PPM1D: variants seen among roughly 807,000 people sequenced by gnomAD.
PPM1D encodes the protein protein phosphatase 1D.
In PPM1D, 52 loss-of-function variants were observed where a neutral mutation model predicts 58.3. The observed-to-expected ratio is 0.89, with a 90% CI of 0.71 to 1.12. The LOEUF (loss-of-function observed/expected upper bound fraction) is 1.12. PPM1D is among the 50% of genes most tolerant of loss of function. The pLI is 0.00. For missense variants in PPM1D, 564 were observed against 777.2 expected (o/e 0.73, Z 3.26); for synonymous variants, 278 against 285.1 (o/e 0.98, Z 0.25).
chr17:60,651,711 CAG>C (rs1183332788), intron 4 of PPM1D, among the ~76,000 whole-genome samples: 1 of 152,014 alleles, frequency 6.6e-6, no homozygotes, highest in Non-Finnish European at 1.5e-5. Context: ...GCCCAGCCGA[CAG>C]TGTTTTTTAT....
chr17:60,663,256 A>C lies in PPM1D; in HGVS notation c.1522A>C (p.Met508Leu). The change falls in exon 6 of 6, where the codon ATG (methionine) becomes CTG (leucine). Residue 508 changes from methionine to leucine, a missense_variant. Met to Leu is a conservative substitution (Grantham distance 15, BLOSUM62 2). This residue lies in a region of PPM1D where 261 missense variants were observed against 270.1 expected (regional missense o/e 0.97). Coordinates refer to ENST00000305921, the MANE Select transcript of PPM1D (RefSeq NM_003620.4). ...LVPTNSTNTV[M>L]DQKNLKMSTP... is the part of the protein sequence containing the mutation. Reference sequence around the variant, plus strand: ...GCCTACTAATTCAACAAACACTGTCATGGACCAAAAAAATTTGAAGATGTC... The same window carrying C: ...GCCTACTAATTCAACAAACACTGTCCTGGACCAAAAAAATTTGAAGATGTC... The C allele has an allele frequency of 1.2e-6, 2 of 1,614,226 alleles. No homozygotes were observed. The highest frequency in any genetic ancestry group is 1.7e-6 in the Non-Finnish European group (2 of 1,180,040).
intron 2 of PPM1D, among the ~76,000 whole-genome samples, chr17:60,632,055 G>A (rs2030932731): frequency 6.6e-6 from 1 of 152,094 alleles, no homozygotes; most frequent in Admixed American, 6.6e-5. Context: ...GCAGGTGCCT[G>A]TAGTCCCAGC....
chr17:60,640,054 C>T (rs985108891), intron 3 of PPM1D, among the ~76,000 whole-genome samples: 2 of 152,174 alleles, frequency 1.3e-5, no homozygotes, highest in Non-Finnish European at 2.9e-5. Flanking sequence ...TGTGGTGGCT[C>T]ACACCCATAA....
chr17:60,644,879 A>G (rs2031204890), intron 3 of PPM1D, among the ~76,000 whole-genome samples: 2 of 152,246 alleles, frequency 1.3e-5, no homozygotes, highest in South Asian at 4.1e-4. Flanking sequence ...ACCATGAAAT[A>G]CTTAGGTATA....
rs71148308 is a variant in PPM1D, at chr17:60,643,883, C to CTTTT, written c.827-3991_827-3988dup. ...TTGTGCAATAGAACTCTTTTCTTTTCTTTTTTTTTTTTTTTTTTTTTGAGA... is the reference window on the plus strand; with the variant it reads ...TTGTGCAATAGAACTCTTTTCTTTTCTTTTTTTTTTTTTTTTTTTTTTTTTGAGA... On this transcript the variant is annotated intron_variant, in intron 3 of 5. Transcript: ENST00000305921. Among the ~76,000 whole-genome samples the CTTTT allele has an allele frequency of 3.1e-3, 301 of 97,718 alleles. 7 individuals are homozygous for CTTTT. Among genetic ancestry groups the CTTTT allele is most frequent in the Middle Eastern group, 8.8e-3 (1 of 114 alleles). 64.1% of individuals were successfully genotyped at this position (97,718 alleles called of 152,430 possible).
At chr17:60,662,225 G>C (rs1360511790) in intron 5 of PPM1D, 2 of 152,130 alleles carry the variant, frequency 1.3e-5, no homozygotes, top group Non-Finnish European at 1.5e-5. Context: ...TTGAACTCCT[G>C]ACCTCAAATG....
intron 1 of PPM1D, among the ~76,000 whole-genome samples, chr17:60,614,870 A>G (rs2030549578): frequency 6.6e-6 from 1 of 152,110 alleles, no homozygotes; most frequent in Non-Finnish European, 1.5e-5. Context: ...CGAACATCAG[A>G]AGGAACAAAT....
At chr17:60,643,890 T>TC (rs950821154) in intron 3 of PPM1D, among the ~76,000 whole-genome samples, 2 of 140,474 alleles carry the variant, frequency 1.4e-5, no homozygotes, top group Non-Finnish European at 3.1e-5. Context: ...TTTCTTTTTT[T>TC]TTTTTTTTTT....
Position 60,663,077 on chromosome 17 carries a change from AT to A in PPM1D, c.1349del (p.Leu450Ter), listed in dbSNP as rs758630849. 8 of 1,614,086 alleles carry A rather than the reference AT, an allele frequency of 5.0e-6. No homozygotes were observed. Among genetic ancestry groups the A allele is most frequent in the South Asian group, 1.1e-5 (1 of 91,078 alleles). ...GTTCGTAGCAATGCCTTCTCAGAGAATTTTTTAGAGGTTTCAGCTGAGATAG... is the reference window on the plus strand; with the variant it reads ...GTTCGTAGCAATGCCTTCTCAGAGAATTTTTAGAGGTTTCAGCTGAGATAG... ...ALVRSNAFSENFLEVSAEIAR... is the reference protein window; with the variant it reads ...ALVRSNAFSEXFLEVSAEIAR... On this transcript the variant is annotated frameshift_variant, in exon 6 of 6. Coordinates refer to ENST00000305921, the MANE Select transcript of PPM1D (RefSeq NM_003620.4). LOFTEE classifies it high-confidence loss of function.
intron 1 of PPM1D, among the ~76,000 whole-genome samples, chr17:60,610,339 T>A (rs2030429601): frequency 6.6e-6 from 1 of 152,170 alleles, no homozygotes; most frequent in African/African-American, 2.4e-5. Flanking sequence ...ACTTTTTTGG[T>A]TCAGTATTGT....
chr17:60,640,686 C>T (rs990160717), intron 3 of PPM1D, among the ~76,000 whole-genome samples: 1 of 152,038 alleles, frequency 6.6e-6, no homozygotes, highest in South Asian at 2.1e-4. Context: ...TGTCTTCCTC[C>T]TTCTCTCCCT....
chr17:60,636,967 ATT>A (rs5821296), intron 3 of PPM1D, among the ~76,000 whole-genome samples: 5 of 135,294 alleles, frequency 3.7e-5, no homozygotes, highest in African/African-American at 2.8e-5. Flanking sequence ...CCTACTCATG[ATT>A]TTTTTTTTTT....
Position 60,652,504 on chromosome 17 carries a change from A to G in PPM1D, c.1018-4095A>G, listed in dbSNP as rs115274318. ...TGTATTGATTTTCTTTCTGTTGGAT[A>G]TATGTATAGTAGTGGAATTGTTGGA... is the stretch of plus-strand genomic sequence containing the variant. On this transcript the variant is annotated intron_variant, in intron 4 of 5. Transcript: ENST00000305921. Among the ~76,000 whole-genome samples the G allele has an allele frequency of 2.9e-3, 415 of 145,080 alleles. 2 individuals carry two copies. The highest frequency in any genetic ancestry group is 0.01 in the African/African-American group (399 of 39,090).
intron 3 of PPM1D, among the ~76,000 whole-genome samples, chr17:60,645,484 G>GTATATATATA (rs2031217741): frequency 7.0e-6 from 1 of 142,748 alleles, no homozygotes; most frequent in Non-Finnish European, 1.5e-5. Flanking sequence ...GTGTGTGTGT[G>GTATATATATA]TGTGTGTGTA....
intron 1 of PPM1D, among the ~76,000 whole-genome samples, chr17:60,606,218 A>T (rs1014103447): frequency 2.6e-5 from 4 of 152,210 alleles, no homozygotes; most frequent in Admixed American, 2.6e-4. Flanking sequence ...ATATTGTACC[A>T]TGAGTCAGAA....
chr17:60,613,838 A>C (rs1415143595), intron 1 of PPM1D, among the ~76,000 whole-genome samples: 1 of 151,994 alleles, frequency 6.6e-6, no homozygotes, highest in African/African-American at 2.4e-5. Flanking sequence ...GCCGGGCCTT[A>C]GCTGACTCCC....
chr17:60,606,525 G>C (rs1286498575), intron 1 of PPM1D, among the ~76,000 whole-genome samples: 1 of 151,934 alleles, frequency 6.6e-6, no homozygotes, highest in African/African-American at 2.4e-5. Flanking sequence ...AGGTATGAAG[G>C]CTTCAATTTC....
chr17:60,657,202 G>A (rs904628875), intron 5 of PPM1D: 61 of 697,232 alleles, frequency 8.7e-5, no homozygotes, highest in Non-Finnish European at 1.1e-4. Context: ...TCAGTAATAA[G>A]CCTGAGAGAT....
chr17:60,625,498 T>G (rs2030788595), intron 2 of PPM1D, among the ~76,000 whole-genome samples: 1 of 152,188 alleles, frequency 6.6e-6, no homozygotes, highest in Non-Finnish European at 1.5e-5. Flanking sequence ...GCAGCATTTG[T>G]AATGACTGTT....
Sources: gnomAD v4.1 joint callset for allele counts (sites outside exome capture counted in the v4.1 genomes callset) on GRCh38, gnomAD v4.1.1 for gene constraint, gnomAD v4.1.1 regional missense constraint, MANE v1.5 for transcripts, NCBI Gene and HGNC (gene_info 2026-07-23, HGNC 2026-07-21) for gene names.